APBA2: variants seen among roughly 807,000 people sequenced by gnomAD.
The protein encoded by APBA2 is amyloid-beta A4 precursor protein-binding family A member 2.
A neutral mutation model predicts 75.0 loss-of-function variants in APBA2; 30 were observed. The observed-to-expected ratio is 0.40, with a 90% CI of 0.30 to 0.54. The LOEUF (loss-of-function observed/expected upper bound fraction) is 0.54, where lower values mean the gene tolerates loss of function less well. Ranked by LOEUF, APBA2 falls within the 20% of genes least tolerant of loss-of-function variation. APBA2 has a pLI of 0.49. For missense variants in APBA2, 801 were observed against 1,016.1 expected, an observed-to-expected ratio of 0.79 and a Z score of 2.88; for synonymous variants, 444 against 409.6, an observed-to-expected ratio of 1.08 and a Z score of -1.01.
At chr15:29,067,212 C>T (rs183767358) in intron 4 of APBA2, among the ~76,000 whole-genome samples, 1 of 152,318 alleles carries the variant, frequency 6.6e-6, no homozygotes, top group East Asian at 1.9e-4. Context: ...CCACTTCCAG[C>T]ATTGGGGATT....
intron 2 of APBA2, among the ~76,000 whole-genome samples, chr15:28,926,652 A>G (rs2034276701): frequency 6.6e-6 from 1 of 152,120 alleles, no homozygotes; most frequent in Non-Finnish European, 1.5e-5. Flanking sequence ...TTTTCAACCT[A>G]TATAATTTTT....
At chr15:28,939,981 C>T (rs2035101810) in intron 2 of APBA2, among the ~76,000 whole-genome samples, 1 of 152,188 alleles carries the variant, frequency 6.6e-6, no homozygotes, top group African/African-American at 2.4e-5. Flanking sequence ...CATCTCCGTG[C>T]TTACAGCCCT....
intron 8 of APBA2, among the ~76,000 whole-genome samples, chr15:29,095,445 AAG>A (rs2043806434): frequency 1.4e-5 from 2 of 142,224 alleles, no homozygotes; most frequent in South Asian, 4.6e-4. Flanking sequence ...GAAAAAAAAA[AAG>A]GATTGACATC....
chr15:28,982,700 A>G (rs2037688385), intron 2 of APBA2, among the ~76,000 whole-genome samples: 2 of 152,254 alleles, frequency 1.3e-5, no homozygotes, highest in Non-Finnish European at 1.5e-5. Flanking sequence ...TAAAGCAGCA[A>G]TTTGTCATGA....
At chr15:28,915,754 C>T (rs1411953840) in intron 1 of APBA2, among the ~76,000 whole-genome samples, 3 of 150,806 alleles carry the variant, frequency 2.0e-5, no homozygotes, top group South Asian at 2.1e-4. Flanking sequence ...ACACACTCAA[C>T]TCTTCCACAC....
At chr15:29,115,209 T>G (rs373583120) in intron 14 of APBA2, among the ~76,000 whole-genome samples, 9 of 125,046 alleles carry the variant, frequency 7.2e-5, no homozygotes, top group African/African-American at 2.4e-4. Context: ...CCCTGGTGGC[T>G]CTGTGAGGCT....
In APBA2 at chr15:28,921,633, T is replaced by C. The variant is rs1206335712; in HGVS notation, c.-204-7T>C. 1.3e-5 allele frequency: 2 copies of C among 152,256 alleles called. No homozygotes were observed. The highest frequency in any genetic ancestry group is 2.9e-5 in the Non-Finnish European group (2 of 68,066). The allele number at this position is 152,256 out of a possible 1,614,324, so 9.4% of individuals were successfully genotyped here. A position where few individuals can be genotyped will look rare whatever the true frequency, so the allele number is the denominator to read the frequency against. ...GCTTCATTTGTTTGTGTTCTTTTTC[T>C]TTACAGTCTCCTGAATATTTACGCG... is the stretch of plus-strand genomic sequence containing the variant. On this transcript the variant is annotated splice_polypyrimidine_tract_variant and splice_region_variant and intron_variant, in intron 1 of 14. Transcript: ENST00000683413.
At position 28,950,626 on chromosome 15, in the gene APBA2, C is replaced by CAA. The variant is rs200506534; in HGVS notation, c.-95+28889_-95+28890dup. On this transcript the variant is annotated intron_variant, in intron 2 of 14. Transcript: ENST00000683413. ...TAGGCGACAGAGTGAGATTCTGTCT[C>CAA]AAAAAAAAAAAAAGAAAGCAAAAAA... 5.2e-3 allele frequency among the ~76,000 whole-genome samples: 688 copies of CAA among 131,622 alleles called. 8 individuals are homozygous for CAA. The highest frequency in any genetic ancestry group is 0.017 in the African/African-American group (640 of 37,588). 86.3% of individuals were successfully genotyped at this position (131,622 alleles called of 152,430 possible).
intron 6 of APBA2, among the ~76,000 whole-genome samples, chr15:29,089,003 C>A (rs1416972742): frequency 6.6e-6 from 1 of 152,202 alleles, no homozygotes; most frequent in South Asian, 2.1e-4. Flanking sequence ...TCCTCCAGAC[C>A]TCAGCTTAAA....
At chr15:28,934,593 C>T (rs1433953756) in intron 2 of APBA2, among the ~76,000 whole-genome samples, 1 of 152,170 alleles carries the variant, frequency 6.6e-6, no homozygotes, top group Admixed American at 6.5e-5. Context: ...ACAAATGCCA[C>T]ACTGGGCTCT....
intron 3 of APBA2, among the ~76,000 whole-genome samples, chr15:29,003,730 T>G (rs2038969727): frequency 6.6e-6 from 1 of 152,248 alleles, no homozygotes; most frequent in Non-Finnish European, 1.5e-5. Context: ...AAGGGCAGGC[T>G]GGAACTCCCA....
chr15:28,992,260 G>A (rs184674477), intron 2 of APBA2, among the ~76,000 whole-genome samples: 25 of 152,250 alleles, frequency 1.6e-4, no homozygotes, highest in Admixed American at 1.2e-3. Context: ...GGTCCCTGAG[G>A]ATCGCTTCTG....
In APBA2 at chr15:28,918,494, G is replaced by A. The variant is rs1026237509; in HGVS notation, c.-204-3146G>A. 6.6e-6 allele frequency among the ~76,000 whole-genome samples: 1 copy of A among 152,222 alleles called. No individual in the cohort carries two copies. Among genetic ancestry groups the A allele is most frequent in the African/African-American group, 2.4e-5 (1 of 41,452 alleles). On this transcript the variant is annotated intron_variant, in intron 1 of 14. Coordinates refer to ENST00000683413, the MANE Select transcript of APBA2 (RefSeq NM_001353788.2). This position sits in a 1 kb window ranked among gnomAD's most constrained non-coding sequence, Gnocchi z 4.2. Reference sequence around the variant, plus strand: ...GGTGAAGCAGATGGCTTCCCCCACTGCAAGGAGGAATCCCGGTGCTCTTCT... The same window carrying A: ...GGTGAAGCAGATGGCTTCCCCCACTACAAGGAGGAATCCCGGTGCTCTTCT...
chr15:29,023,441 CTTTTTTTTTTTTTTTTTT>C (rs10604525), intron 3 of APBA2, among the ~76,000 whole-genome samples: 1 of 73,290 alleles, frequency 1.4e-5, no homozygotes, highest in Admixed American at 1.8e-4. Flanking sequence ...TACCTTTTTC[CTTTTTTTTTTTTTTTTTT>C]TTTTTTTTTT....
chr15:28,954,700 C>T (rs1466907903), intron 2 of APBA2, among the ~76,000 whole-genome samples: 2 of 152,214 alleles, frequency 1.3e-5, no homozygotes, highest in East Asian at 1.9e-4. Flanking sequence ...GGTCAGGCTG[C>T]AGCAAATTCA....
rs535676571 is a variant in APBA2 at position 29,013,345 on chromosome 15, T to A, written c.-41+17539T>A. ...CCCAGGCCGGACTGCAGTGGCATGATCTCGGCTTGCTGCGAGCTCCGCCTC... is the reference window on the plus strand; with the variant it reads ...CCCAGGCCGGACTGCAGTGGCATGAACTCGGCTTGCTGCGAGCTCCGCCTC... On this transcript the variant is annotated intron_variant, in intron 3 of 14. Transcript: ENST00000683413. 1.6e-4 allele frequency among the ~76,000 whole-genome samples: 24 copies of A among 148,780 alleles called. No homozygotes were observed. In the South Asian group the frequency reaches 5.0e-3, roughly 31 times the overall value.
intron 6 of APBA2, among the ~76,000 whole-genome samples, chr15:29,083,334 C>T (rs181160778): frequency 3.9e-5 from 6 of 152,170 alleles, no homozygotes; most frequent in African/African-American, 7.2e-5. Context: ...GTTACAGGGA[C>T]GGTCCATTCA....
At chr15:29,052,537 C>G (rs1024469830) in intron 3 of APBA2, among the ~76,000 whole-genome samples, 4 of 151,944 alleles carry the variant, frequency 2.6e-5, no homozygotes, top group African/African-American at 9.7e-5. Flanking sequence ...CCCTTGCTTT[C>G]CCCCAGAAGA....
intron 1 of APBA2, among the ~76,000 whole-genome samples, chr15:28,900,194 C>T (rs534280963): frequency 3.3e-5 from 5 of 152,332 alleles, no homozygotes; most frequent in Admixed American, 6.5e-5. Flanking sequence ...CAGCCTCCTC[C>T]GCCTGGACTC....
Sources: allele counts gnomAD v4.1 joint callset (sites outside exome capture counted in the v4.1 genomes callset), GRCh38; gene constraint gnomAD v4.1.1; non-coding constraint Gnocchi (gnomAD v3.1); transcripts MANE v1.5; gene names NCBI Gene and HGNC (gene_info 2026-07-23, HGNC 2026-07-21).